The following SLC35D4 variants were observed in gnomAD, a reference collection of about 807,000 sequenced individuals.
The protein encoded by SLC35D4 is UDP-N-acetylglucosamine transporter SLC35D4.
At chr18:23,270,641 C>T in the SLC35D4 span, among the ~76,000 whole-genome samples, 1 of 152,194 alleles carries the variant, frequency 6.6e-6, no homozygotes, top group Non-Finnish European at 1.5e-5. Context: ...CGGAGCTGCT[C>T]AAGACTGTGG....
chr18:23,365,719 C>T, the SLC35D4 span: 1 of 1,599,476 alleles, frequency 6.3e-7, no homozygotes, highest in Non-Finnish European at 8.5e-7. Context: ...CACCAAAAAC[C>T]CCAGCTGTTC....
At chr18:23,437,952 G>A in the SLC35D4 span, 2 of 1,328,278 alleles carry the variant, frequency 1.5e-6, no homozygotes, top group Non-Finnish European at 2.1e-6. Flanking sequence ...GGCAGCAGCC[G>A]CCCAGAGACG....
the SLC35D4 span, among the ~76,000 whole-genome samples, chr18:23,418,095 C>A: frequency 1.3e-5 from 2 of 152,092 alleles, no homozygotes; most frequent in Non-Finnish European, 2.9e-5. Context: ...CTTAGTATAA[C>A]ATATAAAATC....
chr18:23,324,142 A>C, the SLC35D4 span, among the ~76,000 whole-genome samples: 1 of 151,914 alleles, frequency 6.6e-6, no homozygotes, highest in Non-Finnish European at 1.5e-5. Flanking sequence ...AAGAGACCAG[A>C]GTTTGCTCTC....
chr18:23,385,791 G>A, the SLC35D4 span, among the ~76,000 whole-genome samples: 1 of 152,268 alleles, frequency 6.6e-6, no homozygotes, highest in East Asian at 1.9e-4. Flanking sequence ...GTGGAAGACA[G>A]GAGGCAGAGA....
At chr18:23,252,898 G>A in the SLC35D4 span, 5 of 1,118,746 alleles carry the variant, frequency 4.5e-6, no homozygotes, top group South Asian at 5.1e-5. Context: ...CGTAGTTGGT[G>A]CATAATTATT....
At chr18:23,377,731 A>C in the SLC35D4 span, 1 of 1,430,978 alleles carries the variant, frequency 7.0e-7, no homozygotes, top group Non-Finnish European at 9.3e-7. Flanking sequence ...TTCCTCTTAA[A>C]AGGAAACATT....
At chr18:23,343,932 CTT>C in the SLC35D4 span, among the ~76,000 whole-genome samples, 3 of 148,420 alleles carry the variant, frequency 2.0e-5, no homozygotes, top group Non-Finnish European at 4.4e-5. Context: ...GAGTTTCGCT[CTT>C]GTTGCCCAGA....
the SLC35D4 span, among the ~76,000 whole-genome samples, chr18:23,288,876 C>A: frequency 3.3e-5 from 5 of 152,256 alleles, no homozygotes; most frequent in East Asian, 9.6e-4. Flanking sequence ...GACTAATGGT[C>A]TTTTAAAAAC....
chr18:23,403,805 A>C, the SLC35D4 span, among the ~76,000 whole-genome samples: 1 of 152,198 alleles, frequency 6.6e-6, no homozygotes, highest in Non-Finnish European at 1.5e-5. Context: ...TCCTCTAGTG[A>C]GCAAGAATGC....
At chr18:23,246,582 G>A in the SLC35D4 span, among the ~76,000 whole-genome samples, 2,767 of 151,864 alleles carry the variant, frequency 0.018, 37 homozygotes, top group African/African-American at 0.026. Context: ...TAGTAGAGAT[G>A]GGGTTTCACC....
chr18:23,361,103 C>CAAAAAAAAAAA, the SLC35D4 span, among the ~76,000 whole-genome samples: 8 of 94,102 alleles, frequency 8.5e-5, no homozygotes, highest in Admixed American at 1.3e-4. Flanking sequence ...GACTTTGTCT[C>CAAAAAAAAAAA]AAAAAAAAAA....
the SLC35D4 span, among the ~76,000 whole-genome samples, chr18:23,292,792 G>C: frequency 6.6e-6 from 1 of 152,184 alleles, no homozygotes; most frequent in African/African-American, 2.4e-5. Context: ...CAATGACAGG[G>C]AGCCTGGAGA....
the SLC35D4 span, among the ~76,000 whole-genome samples, chr18:23,388,936 C>A: frequency 6.6e-6 from 1 of 151,352 alleles, no homozygotes; most frequent in Non-Finnish European, 1.5e-5. Context: ...GCCTGCAGAA[C>A]TGTGAGTCAA....
At chr18:23,352,987 G>T in the SLC35D4 span, among the ~76,000 whole-genome samples, 2 of 152,128 alleles carry the variant, frequency 1.3e-5, no homozygotes, top group Non-Finnish European at 2.9e-5. Flanking sequence ...TTCCAAAAGT[G>T]CCCTGTGTGG....
At chr18:23,337,246 G>C in the SLC35D4 span, among the ~76,000 whole-genome samples, 3 of 152,130 alleles carry the variant, frequency 2.0e-5, no homozygotes, top group Admixed American at 6.5e-5. Flanking sequence ...GGCCGAGGCA[G>C]GCGGATCACA....
At chr18:23,252,758 T>C in the SLC35D4 span, among the ~76,000 whole-genome samples, 1 of 152,180 alleles carries the variant, frequency 6.6e-6, no homozygotes, top group Non-Finnish European at 1.5e-5. Context: ...ATCCTAATAG[T>C]GGTGACTTGT....
At chr18:23,271,163 G>A in the SLC35D4 span, among the ~76,000 whole-genome samples, 1 of 152,136 alleles carries the variant, frequency 6.6e-6, no homozygotes, top group Non-Finnish European at 1.5e-5. Flanking sequence ...AAGATCTGAT[G>A]GTTTTATAAG....
At chr18:23,311,116 T>C in the SLC35D4 span, among the ~76,000 whole-genome samples, 1 of 152,028 alleles carries the variant, frequency 6.6e-6, no homozygotes, top group Non-Finnish European at 1.5e-5. Flanking sequence ...TTTTTTTTTT[T>C]TTTGAGACAG....
Sources: gnomAD v4.1 joint callset for allele counts (sites outside exome capture counted in the v4.1 genomes callset) on GRCh38, gnomAD v4.1.1 for gene constraint, MANE v1.5 for transcripts, NCBI Gene and HGNC (gene_info 2026-07-23, HGNC 2026-07-21) for gene names.